Variants in NXN observed in about 807,000 individuals in gnomAD.
The protein encoded by NXN is nucleoredoxin, also known as nucleoredoxin 1.
Under a neutral mutation model 48.6 loss-of-function variants are expected in NXN, and 16 were observed. That is an observed-to-expected ratio of 0.33 (90% CI 0.22 to 0.50). NXN has a LOEUF of 0.50. NXN is among the 20% of genes least tolerant of loss of function. The pLI is 0.98. For missense variants in NXN, 492 were observed against 605.5 expected (o/e 0.81, Z 1.97); for synonymous variants, 281 against 269.6 (o/e 1.04, Z -0.41).
chr17:945,849 G>A (rs991471580), intron 1 of NXN, among the ~76,000 whole-genome samples: 6 of 151,982 alleles, frequency 3.9e-5, no homozygotes, highest in African/African-American at 9.7e-5. Flanking sequence ...AGTGCTGATC[G>A]TTCAGAGATA....
rs1157185538 is a variant in NXN at position 799,950 on chromosome 17, T to A, written c.*999A>T. 1 of 152,220 alleles carries A rather than the reference T, an allele frequency of 6.6e-6. No individual in the cohort carries two copies. The highest frequency in any genetic ancestry group is 1.9e-4 in the East Asian group (1 of 5,180). 9.4% of individuals were successfully genotyped at this position (152,220 alleles called of 1,614,324 possible). A position where few individuals can be genotyped will look rare whatever the true frequency, so the allele number is the denominator to read the frequency against. On this transcript the variant is annotated 3_prime_UTR_variant, in exon 8 of 8. Transcript: ENST00000336868. ...GGCCAACATGGTGAAACCCCATCTC[T>A]ACTAAAAATACAAAAATTAGCCAGG...
chr17:977,594 T>C (rs1042698872), intron 1 of NXN, among the ~76,000 whole-genome samples: 2 of 152,248 alleles, frequency 1.3e-5, no homozygotes, highest in African/African-American at 2.4e-5. Context: ...AACACAACAA[T>C]AGGCTGTTAA....
At chr17:850,579 T>C (rs1003849223) in intron 1 of NXN, among the ~76,000 whole-genome samples, 2 of 152,096 alleles carry the variant, frequency 1.3e-5, no homozygotes, top group South Asian at 2.1e-4. Flanking sequence ...GCAAGCTCAC[T>C]GTCTCCAGTG....
Position 805,249 on chromosome 17 carries a change from T to G in NXN, c.821-2A>C. The stretch of plus-strand genomic sequence containing the variant: ...CCAGCATGATGAGCGTGGGGATGCC[T>G]GCAGGGAAGAGGGGGTGCTTGGCCG... On this transcript the variant is annotated splice_acceptor_variant, in intron 5 of 7. Coordinates refer to ENST00000336868, the MANE Select transcript of NXN (RefSeq NM_022463.5). LOFTEE classifies it high-confidence loss of function. The G allele has an allele frequency of 6.2e-7, 1 of 1,607,170 alleles. No homozygotes were observed. Among genetic ancestry groups the G allele is most frequent in the Non-Finnish European group, 8.5e-7 (1 of 1,176,706 alleles).
chr17:871,450 G>T (rs145320896), intron 1 of NXN, among the ~76,000 whole-genome samples: 5 of 140,502 alleles, frequency 3.6e-5, no homozygotes, highest in Non-Finnish European at 6.0e-5. Flanking sequence ...TGTCCCCCAG[G>T]CTGGAGTGCA....
At chr17:888,278 G>A (rs900342889) in intron 1 of NXN, among the ~76,000 whole-genome samples, 1 of 152,180 alleles carries the variant, frequency 6.6e-6, no homozygotes, top group Non-Finnish European at 1.5e-5. Context: ...GAGTGCAGGG[G>A]TGCAAGCACA....
chr17:940,140 G>C (rs977176227), intron 1 of NXN, among the ~76,000 whole-genome samples: 1 of 150,968 alleles, frequency 6.6e-6, no homozygotes, highest in South Asian at 2.1e-4. Flanking sequence ...AGGTGGGGGG[G>C]TCTCAGTATG....
intron 1 of NXN, among the ~76,000 whole-genome samples, chr17:901,226 G>A (rs1313980264): frequency 7.8e-6 from 1 of 127,602 alleles, no homozygotes; most frequent in Non-Finnish European, 1.7e-5. Context: ...CGGCCAGATA[G>A]ATCTGCATTC....
intron 1 of NXN, among the ~76,000 whole-genome samples, chr17:962,948 T>G (rs975488664): frequency 2.6e-5 from 4 of 152,188 alleles, no homozygotes; most frequent in Non-Finnish European, 5.9e-5. Context: ...TTTCGCCTGT[T>G]GTACACAGGG....
At chr17:822,548 G>T in intron 3 of NXN, 91 bp from the exon 4 acceptor site, 1 of 888,630 alleles carries the variant, frequency 1.1e-6, no homozygotes, top group Non-Finnish European at 1.8e-6. Context: ...CAGGACTCAA[G>T]CAGGACTGGG....
At chr17:929,115 A>G (rs966942943) in intron 1 of NXN, among the ~76,000 whole-genome samples, 1 of 152,218 alleles carries the variant, frequency 6.6e-6, no homozygotes, top group Non-Finnish European at 1.5e-5. Context: ...CTAGCTTCAC[A>G]TAAAAACCCA....
chr17:814,013 C>A (rs1230577681), intron 5 of NXN, among the ~76,000 whole-genome samples: 3 of 151,752 alleles, frequency 2.0e-5, no homozygotes, highest in Non-Finnish European at 2.9e-5. Context: ...GTAATCCCAG[C>A]ACTTTGGGAG....
At chr17:804,431 A>T (rs533482115) in intron 6 of NXN, among the ~76,000 whole-genome samples, 1 of 152,002 alleles carries the variant, frequency 6.6e-6, no homozygotes, top group African/African-American at 2.4e-5. Context: ...TACAGGCGTG[A>T]GCCACCACAC....
chr17:836,363 G>A (rs1913826019), intron 1 of NXN, among the ~76,000 whole-genome samples: 1 of 152,190 alleles, frequency 6.6e-6, no homozygotes, highest in African/African-American at 2.4e-5. Flanking sequence ...TCCTTGGCCA[G>A]GTCAGCCAAG....
intron 1 of NXN, among the ~76,000 whole-genome samples, chr17:853,927 A>G (rs1054996599): frequency 2.6e-5 from 4 of 151,706 alleles, no homozygotes; most frequent in Admixed American, 6.6e-5. Context: ...TCTCCATGTT[A>G]GCCAGGATGG....
intron 1 of NXN, among the ~76,000 whole-genome samples, chr17:866,023 T>C (rs1409986030): frequency 2.0e-5 from 3 of 152,000 alleles, no homozygotes; most frequent in South Asian, 2.1e-4. Context: ...ATGTTTATCA[T>C]AGTATTATTT....
intron 1 of NXN, among the ~76,000 whole-genome samples, chr17:903,695 T>G (rs1033193327): frequency 6.6e-6 from 1 of 152,320 alleles, no homozygotes; most frequent in Non-Finnish European, 1.5e-5. Context: ...TGCTACAAGT[T>G]CTATACATAT....
At position 799,540 on chromosome 17, in the gene NXN, T is replaced by C. The variant is rs1468349808; in HGVS notation, c.*1409A>G. On this transcript the variant is annotated 3_prime_UTR_variant, in exon 8 of 8. Coordinates refer to ENST00000336868, the MANE Select transcript of NXN (RefSeq NM_022463.5). ...GATTTTCCAAATCAATGGTCTTGGC[T>C]GGCAGAGTGCTGAGTGGGGCCTGAG... 2 of 152,346 alleles carry C rather than the reference T, an allele frequency of 1.3e-5. No homozygotes were observed. Among genetic ancestry groups the C allele is most frequent in the African/African-American group, 4.8e-5 (2 of 41,466 alleles). The allele number at this position is 152,346 out of a possible 1,614,324, so 9.4% of individuals were successfully genotyped here.
chr17:850,783 C>G (rs2067915487), intron 1 of NXN, among the ~76,000 whole-genome samples: 1 of 152,190 alleles, frequency 6.6e-6, no homozygotes, highest in Non-Finnish European at 1.5e-5. Flanking sequence ...AGTACATCTT[C>G]CCCAACTTTA....
Sources: allele counts gnomAD v4.1 joint callset (sites outside exome capture counted in the v4.1 genomes callset), GRCh38; gene constraint gnomAD v4.1.1; transcripts MANE v1.5; gene names NCBI Gene and HGNC (gene_info 2026-07-23, HGNC 2026-07-21).